Variants in CYP3A7 observed in about 807,000 individuals in gnomAD.
CYP3A7 encodes cytochrome P450 3A7.
CYP3A7 carries 45 observed loss-of-function variants against 55.2 expected under a neutral mutation model. That is an observed-to-expected ratio of 0.82 (90% CI 0.64 to 1.05). The LOEUF (loss-of-function observed/expected upper bound fraction) is 1.05. Among genes scored for constraint, CYP3A7 ranks in the 50% least tolerant of loss-of-function variants. The pLI is 0.00. For missense variants in CYP3A7, 548 were observed against 605.3 expected (o/e 0.91, Z 0.99); for synonymous variants, 180 against 207.4 (o/e 0.87, Z 1.13).
At chr7:99,734,194 A>C (rs764975968) in intron 1 of CYP3A7, among the ~76,000 whole-genome samples, 13 of 152,236 alleles carry the variant, frequency 8.5e-5, no homozygotes, top group Admixed American at 5.9e-4. Flanking sequence ...GAAAGAATTA[A>C]AACGAGGTTT....
chr7:99,705,714 T>G, intron 12 of CYP3A7, 119 bp from the exon 13 acceptor site: 19 of 1,249,754 alleles, frequency 1.5e-5, no homozygotes, highest in Non-Finnish European at 2.1e-5. Context: ...AAAACTACTT[T>G]CAGCACTATA....
chr7:99,718,893 A>G (rs559190229), intron 4 of CYP3A7, among the ~76,000 whole-genome samples: 2 of 152,224 alleles, frequency 1.3e-5, no homozygotes, highest in Non-Finnish European at 2.9e-5. Flanking sequence ...AAAACATAAT[A>G]TCATTTACAA....
At chr7:99,723,370 T>C (rs1156597801) in intron 2 of CYP3A7, among the ~76,000 whole-genome samples, 1 of 152,202 alleles carries the variant, frequency 6.6e-6, no homozygotes, top group Non-Finnish European at 1.5e-5. Flanking sequence ...ACCATGCACC[T>C]TGTGACCCCC....
chr7:99,721,864 T>C (rs1814213193), intron 3 of CYP3A7, among the ~76,000 whole-genome samples: 1 of 152,062 alleles, frequency 6.6e-6, no homozygotes, highest in African/African-American at 2.4e-5. Flanking sequence ...AACAAAACTA[T>C]CACAAAATAC....
At chr7:99,723,500 G>GCACC (rs925284005) in intron 2 of CYP3A7, among the ~76,000 whole-genome samples, 14 of 152,244 alleles carry the variant, frequency 9.2e-5, no homozygotes, top group African/African-American at 3.4e-4. Context: ...CAGTCAGCCT[G>GCACC]CACCCAGGTG....
chr7:99,715,964 A>G lies in CYP3A7; in HGVS notation c.522-58T>C, dbSNP rs1347161083. The G allele has an allele frequency of 3.1e-6, 5 of 1,611,560 alleles. No individual in the cohort carries two copies. In the African/African-American group the frequency reaches 6.7e-5, roughly 22 times the overall value. On this transcript the variant is annotated intron_variant, in intron 6 of 12. Transcript: ENST00000336374. ...AGCACCTCTTTACCATCCTTCCTCT[A>G]TGCGTGCAGCAGGAAATCCACATGT...
At chr7:99,710,707 C>T in intron 10 of CYP3A7, 25 bp downstream of exon 10, 1 of 1,613,706 alleles carries the variant, frequency 6.2e-7, no homozygotes, top group Non-Finnish European at 8.5e-7. Context: ...CCTCCTCCCT[C>T]CTTCTCCATG....
intron 12 of CYP3A7, among the ~76,000 whole-genome samples, chr7:99,706,633 T>A (rs1584503344): frequency 1.3e-5 from 2 of 152,258 alleles, no homozygotes; most frequent in East Asian, 3.9e-4. Flanking sequence ...AATCTTTCTA[T>A]AAATATAACA....
At chr7:99,708,097 T>C (rs1813591380) in intron 11 of CYP3A7, 123 bp from the exon 12 acceptor site, 2 of 1,381,404 alleles carry the variant, frequency 1.4e-6, no homozygotes, top group Non-Finnish European at 1.0e-6. Flanking sequence ...TTTTGTGGGC[T>C]AGTCACTGAA....
chr7:99,730,917 C>G, intron 2 of CYP3A7, 142 bp downstream of exon 2: 4 of 1,143,690 alleles, frequency 3.5e-6, no homozygotes, highest in Non-Finnish European at 3.7e-6. Flanking sequence ...TAAACTTTGC[C>G]ACGCTCTGGG....
intron 2 of CYP3A7, among the ~76,000 whole-genome samples, chr7:99,723,304 C>A (rs916649464): frequency 3.3e-5 from 5 of 152,146 alleles, no homozygotes; most frequent in Admixed American, 2.0e-4. Context: ...CCCAACTGAT[C>A]GATTGATCGA....
intron 1 of CYP3A7, among the ~76,000 whole-genome samples, chr7:99,733,371 T>G (rs376294118): frequency 1.3e-5 from 2 of 152,128 alleles, no homozygotes; most frequent in Admixed American, 6.6e-5. Flanking sequence ...GGCAAACTGT[T>G]TAGTTTCTTT....
Position 99,731,200 on chromosome 7 carries a change from A to G in CYP3A7, c.72-48T>C, listed in dbSNP as rs1175923901. 3.1e-6 allele frequency: 5 copies of G among 1,607,898 alleles called. No individual in the cohort carries two copies. The South Asian group carries it at 4.4e-5, about 14-fold the overall frequency. On this transcript the variant is annotated intron_variant, in intron 1 of 12. Coordinates refer to ENST00000336374, the MANE Select transcript of CYP3A7 (RefSeq NM_000765.5). ...GGTCTCAGGGATTGTGACTTTATAG[A>G]TATAGGGGCTGGTGAGTCACTGACT...
intron 2 of CYP3A7, among the ~76,000 whole-genome samples, chr7:99,725,910 T>G (rs369807718): frequency 4.6e-5 from 7 of 152,298 alleles, no homozygotes; most frequent in African/African-American, 1.7e-4. Context: ...ATAACTGTTG[T>G]GGGTATTGAC....
chr7:99,724,969 C>T (rs1370968186), intron 2 of CYP3A7, among the ~76,000 whole-genome samples: 2 of 152,100 alleles, frequency 1.3e-5, no homozygotes, highest in African/African-American at 4.8e-5. Context: ...ACACTGACAC[C>T]CACCAGTGCC....
Position 99,709,227 on chromosome 7 carries a change from T to C in CYP3A7, c.1061A>G (p.Glu354Gly). 3 of 1,613,896 alleles carry C rather than the reference T, an allele frequency of 1.9e-6. No homozygotes were observed. The highest frequency in any genetic ancestry group is 1.3e-5 in the African/African-American group (1 of 75,034). ...PPTYDTVLQL[E>G]YLDMVVNETL... ...TTCATTCACCACCATGTCAAGATACTCCAACTGTAGCACAGTATCATAGGT... is the reference window on the plus strand; with the variant it reads ...TTCATTCACCACCATGTCAAGATACCCCAACTGTAGCACAGTATCATAGGT... The change falls in exon 11 of 13, where the codon GAG (glutamate) becomes GGG (glycine). Residue 354 changes from glutamate to glycine, a missense_variant. Coordinates refer to ENST00000336374, the MANE Select transcript of CYP3A7 (RefSeq NM_000765.5).
At chr7:99,731,587 C>T (rs1814623175) in intron 1 of CYP3A7, among the ~76,000 whole-genome samples, 1 of 152,150 alleles carries the variant, frequency 6.6e-6, no homozygotes, top group Non-Finnish European at 1.5e-5. Flanking sequence ...TGAGATTTTG[C>T]ATCACTGCAT....
In CYP3A7 at chr7:99,707,795, G is replaced by T. The variant is rs368754902; in HGVS notation, c.1416+17C>A. The T allele has an allele frequency of 1.9e-6, 3 of 1,613,592 alleles. No individual in the cohort carries two copies. ...TAATTGTTAATAAAACATTATTAAT[G>T]CAGAAAATTGACTGACCTGTGTTTC... On this transcript the variant is annotated intron_variant, in intron 12 of 12. Coordinates refer to ENST00000336374, the MANE Select transcript of CYP3A7 (RefSeq NM_000765.5).
At chr7:99,705,850 A>G (rs1462820767) in intron 12 of CYP3A7, among the ~76,000 whole-genome samples, 1 of 152,210 alleles carries the variant, frequency 6.6e-6, no homozygotes, top group East Asian at 1.9e-4. Flanking sequence ...ACCTGAGACA[A>G]ATTCATGGGA....
Sources: gnomAD v4.1 joint callset for allele counts (sites outside exome capture counted in the v4.1 genomes callset) on GRCh38, gnomAD v4.1.1 for gene constraint, MANE v1.5 for transcripts, NCBI Gene and HGNC (gene_info 2026-07-23, HGNC 2026-07-21) for gene names.